Variants in BCKDHA observed in about 807,000 individuals in gnomAD.
BCKDHA encodes the protein 2-oxoisovalerate dehydrogenase subunit alpha, mitochondrial.
BCKDHA carries 43 observed loss-of-function variants against 52.2 expected under a neutral mutation model. The observed-to-expected ratio is 0.82, with a 90% CI of 0.64 to 1.06. BCKDHA has a LOEUF of 1.06. Ranked by LOEUF, BCKDHA falls within the 50% of genes least tolerant of loss-of-function variation. The pLI, the probability that BCKDHA is intolerant of heterozygous loss-of-function variation, is 0.00. For synonymous variants in BCKDHA, 234 were observed against 247.9 expected (o/e 0.94, Z 0.53); for missense variants, 527 against 621.3 (o/e 0.85, Z 1.61).
rs746861446 is a variant in BCKDHA at position 41,410,766 on chromosome 19, C to T, written c.238C>T (p.Arg80Cys). ...PNVISGIPIYRVMDRQGQIIN... is the reference protein window; with the variant it reads ...PNVISGIPIYCVMDRQGQIIN... The stretch of plus-strand genomic sequence containing the variant: ...CGTCATCTCTGGAATCCCCATCTAC[C>T]GCGTCATGGACCGGCAAGGCCAGAT... The change falls in exon 2 of 9, where the codon CGC becomes TGC. Residue 80 changes from arginine (R) to cysteine (C), a missense_variant. Arg to Cys is a radical substitution (Grantham distance 180). Transcript: ENST00000269980. 3.7e-6 allele frequency: 6 copies of T among 1,614,146 alleles called. No homozygotes were observed. Among genetic ancestry groups the T allele is most frequent in the East Asian group, 4.5e-5 (2 of 44,880 alleles).
intron 1 of BCKDHA, among the ~76,000 whole-genome samples, chr19:41,398,297 C>T (rs927685816): frequency 3.9e-5 from 6 of 152,102 alleles, no homozygotes; most frequent in Non-Finnish European, 8.8e-5. Flanking sequence ...GAGAATGAAA[C>T]TGACTTTGTA....
At chr19:41,413,647 C>T (rs758841649) in intron 3 of BCKDHA, among the ~76,000 whole-genome samples, 1 of 152,208 alleles carries the variant, frequency 6.6e-6, no homozygotes, top group Non-Finnish European at 1.5e-5. Flanking sequence ...ATCAATGTAT[C>T]GTTCCCTTTG....
chr19:41,403,903 C>T (rs1258338762), intron 1 of BCKDHA, among the ~76,000 whole-genome samples: 1 of 152,254 alleles, frequency 6.6e-6, no homozygotes, highest in African/African-American at 2.4e-5. Context: ...AACCACTATA[C>T]ATCCTGCCTC....
chr19:41,424,411 C>T (rs2039404598), intron 8 of BCKDHA, 27 bp from the exon 9 acceptor site: 1 of 1,613,302 alleles, frequency 6.2e-7, no homozygotes, highest in Non-Finnish European at 8.5e-7. Context: ...GGCCGGCTAG[C>T]CTGCCCACTG....
intron 4 of BCKDHA, among the ~76,000 whole-genome samples, chr19:41,415,849 A>G (rs960009729): frequency 7.7e-5 from 11 of 142,274 alleles, no homozygotes; most frequent in Non-Finnish European, 1.4e-4. Context: ...GGGTTTCACC[A>G]TGTTAGCCAG....
In BCKDHA at chr19:41,422,177, G is replaced by A. The variant is rs547571406; in HGVS notation, c.660G>A (p.Ala220=). Residue 220 remains alanine (A), a synonymous_variant, in exon 6 of 9, where the codon GCG becomes GCA. Coordinates refer to ENST00000269980, the MANE Select transcript of BCKDHA (RefSeq NM_000709.4). Reference sequence around the variant, plus strand: ...CATCCCCTGCAGCGGTGGGGGCGGCGTACGCAGCCAAGCGGGCCAATGCCA... The same window carrying A: ...CATCCCCTGCAGCGGTGGGGGCGGCATACGCAGCCAAGCGGGCCAATGCCA... The part of the protein sequence containing the change: ...ATQIPQAVGA[A]YAAKRANANR... 18 of 1,613,766 alleles carry A rather than the reference G, an allele frequency of 1.1e-5. No individual in the cohort carries two copies. The highest frequency in any genetic ancestry group is 1.1e-4 in the African/African-American group (8 of 75,032).
Position 41,419,266 on chromosome 19 carries a change from TC to T in BCKDHA, c.618del (p.Ser207LeufsTer123), listed in dbSNP as rs2039338998. The T allele has an allele frequency of 6.2e-7, 1 of 1,613,914 alleles. No homozygotes were observed. Among genetic ancestry groups the T allele is most frequent in the African/African-American group, 1.3e-5 (1 of 74,910 alleles). ...CAAGGAACGCCACTTCGTCACTATC[TC>T]CTCTCCACTGGCCACGCAGATCCCT... is the stretch of plus-strand genomic sequence containing the variant. ...GCKERHFVTI[S>X]SPLATQIPQA... On this transcript the variant is annotated frameshift_variant, in exon 5 of 9. Coordinates refer to ENST00000269980, the MANE Select transcript of BCKDHA (RefSeq NM_000709.4). LOFTEE classifies it high-confidence loss of function.
intron 7 of BCKDHA, 54 bp downstream of exon 7, chr19:41,422,824 A>C: frequency 6.2e-7 from 1 of 1,609,892 alleles, no homozygotes; most frequent in Non-Finnish European, 8.5e-7. Context: ...CCACCGTAGC[A>C]TCTTCCTCAT....
chr19:41,398,676 A>G (rs2123234265), intron 1 of BCKDHA, among the ~76,000 whole-genome samples: 1 of 152,328 alleles, frequency 6.6e-6, no homozygotes, highest in Admixed American at 6.5e-5. Context: ...GCTAAGGGCA[A>G]GATTACACTG....
At chr19:41,407,443 G>C (rs917029955) in intron 1 of BCKDHA, among the ~76,000 whole-genome samples, 2 of 152,084 alleles carry the variant, frequency 1.3e-5, no homozygotes, top group Admixed American at 6.6e-5. Flanking sequence ...TGCCTTCCTG[G>C]GATTGTGGTG....
chr19:41,414,802 G>A (rs1439665074), intron 4 of BCKDHA, among the ~76,000 whole-genome samples: 1 of 152,160 alleles, frequency 6.6e-6, no homozygotes, highest in Non-Finnish European at 1.5e-5. Flanking sequence ...TTGGTGTGGG[G>A]CCCTGCATGG....
In BCKDHA at chr19:41,410,678, C is replaced by G; in HGVS notation, c.150C>G (p.Asp50Glu). ...AGCAGCAGTTTTCATCTCTGGATGA[C>G]AAGCCCCAGTTCCCAGGGGCCTCGG... ...RQQQQFSSLD[D>E]KPQFPGASAE... Residue 50 changes from aspartate to glutamate, a missense_variant, in exon 2 of 9, where the codon GAC (aspartate) becomes GAG (glutamate). Coordinates refer to ENST00000269980, the MANE Select transcript of BCKDHA (RefSeq NM_000709.4). 1 of 1,614,228 alleles carries G rather than the reference C, an allele frequency of 6.2e-7. No individual in the cohort carries two copies.
rs1260772843 is a variant in BCKDHA at position 41,423,161 on chromosome 19, C to T, written c.1159C>T (p.Arg387Cys). ...EQEKAWRKQS[R>C]RKVMEAFEQA... ...GGAGAAGGCCTGGAGGAAGCAGTCC[C>T]GCAGGAAGGTGAGGGTGCCCCGCCC... Residue 387 changes from arginine to cysteine, a missense_variant, in exon 8 of 9, where the codon CGC becomes TGC. Arg to Cys is a radical substitution (Grantham distance 180, BLOSUM62 -3). Transcript: ENST00000269980. The T allele has an allele frequency of 7.7e-6, 12 of 1,554,122 alleles. No homozygotes were observed. Among genetic ancestry groups the T allele is most frequent in the South Asian group, 1.2e-5 (1 of 84,334 alleles).
intron 3 of BCKDHA, among the ~76,000 whole-genome samples, chr19:41,412,527 C>T (rs1301188690): frequency 6.0e-5 from 9 of 150,840 alleles, no homozygotes; most frequent in Admixed American, 2.7e-4. Context: ...TACAGGCATG[C>T]GCCACCACAC....
intron 1 of BCKDHA, among the ~76,000 whole-genome samples, chr19:41,410,306 G>A (rs888474022): frequency 6.6e-6 from 1 of 152,178 alleles, no homozygotes; most frequent in Admixed American, 6.5e-5. Flanking sequence ...TGGGCCTATG[G>A]TAATGAGAAT....
chr19:41,410,919 G>C lies in BCKDHA; in HGVS notation c.289-4G>C, dbSNP rs765966197. The C allele has an allele frequency of 4.3e-5, 69 of 1,613,930 alleles. No individual in the cohort carries two copies. The highest frequency in any genetic ancestry group is 5.4e-5 in the Non-Finnish European group (64 of 1,180,026). On this transcript the variant is annotated splice_polypyrimidine_tract_variant and splice_region_variant and intron_variant, in intron 2 of 8. Coordinates refer to ENST00000269980, the MANE Select transcript of BCKDHA (RefSeq NM_000709.4). ...CCCACGTCTATCTGTGCCTCCACCC[G>C]CAGCTGCCGAAGGAGAAGGTGCTGA... is the stretch of plus-strand genomic sequence containing the variant.
At chr19:41,423,263 G>T in intron 8 of BCKDHA, 94 bp downstream of exon 8, 1 of 1,527,064 alleles carries the variant, frequency 6.5e-7, no homozygotes, top group Admixed American at 2.1e-5. Flanking sequence ...GGAGGCTCAG[G>T]GATAACCCCA....
chr19:41,410,577 G>A, intron 1 of BCKDHA, 60 bp from the exon 2 acceptor site: 2 of 1,600,264 alleles, frequency 1.2e-6, no homozygotes, highest in Non-Finnish European at 8.5e-7. Context: ...CCGGGGCTGA[G>A]CCAGCGGAAA....
rs768537624 is a variant in BCKDHA, at chr19:41,424,881, T to C, written c.*273T>C. On this transcript the variant is annotated 3_prime_UTR_variant, in exon 9 of 9. Transcript: ENST00000269980. ...CTCCCAGGGGCTGGGTGAGGGCACA[T>C]TCAGGACTAGAAGCCCCTCTGGGCA... The C allele has an allele frequency of 3.8e-5, 16 of 423,706 alleles. No homozygotes were observed. The highest frequency in any genetic ancestry group is 3.8e-5 in the Non-Finnish European group (9 of 233,876). 26.2% of individuals were successfully genotyped at this position (423,706 alleles called of 1,614,324 possible).
Sources: gnomAD v4.1 joint callset for allele counts (sites outside exome capture counted in the v4.1 genomes callset) on GRCh38, gnomAD v4.1.1 for gene constraint, MANE v1.5 for transcripts, NCBI Gene and HGNC (gene_info 2026-07-23, HGNC 2026-07-21) for gene names.